Variants in MYL3 observed in about 807,000 individuals in gnomAD.
MYL3 encodes the protein myosin light chain 3.
MYL3 carries 11 observed loss-of-function variants against 21.3 expected under a neutral mutation model. The ratio of observed to expected loss-of-function variants is 0.52; its 90% CI spans 0.32 to 0.85. The LOEUF is 0.85. Ranked by LOEUF, MYL3 falls within the 40% of genes least tolerant of loss-of-function variation. The pLI is 0.03. For missense variants in MYL3, 206 were observed against 253.3 expected (o/e 0.81, Z 1.27); for synonymous variants, 88 against 91.6 (o/e 0.96, Z 0.22).
chr3:46,867,704 C>T (rs966615838), upstream of MYL3, among the ~76,000 whole-genome samples: 1 of 152,260 alleles, frequency 6.6e-6, no homozygotes, highest in Non-Finnish European at 1.5e-5. Context: ...TGGGCTGGGA[C>T]GCAGGCCCAC....
At position 46,857,909 on chromosome 3, in the gene MYL3, T is replaced by C; in HGVS notation, c.*206A>G. The stretch of plus-strand genomic sequence containing the variant: ...AGAAGCCATTTATTCATGAGGCCCA[T>C]GGGGTGGGGACAGAGCTGCTGTCAC... On this transcript the variant is annotated 3_prime_UTR_variant, in exon 7 of 7. Coordinates refer to ENST00000292327, the MANE Select transcript of MYL3 (RefSeq NM_000258.3). This position sits in a 1 kb window ranked among gnomAD's most constrained non-coding sequence, Gnocchi z 5.0. 2.3e-6 allele frequency: 1 copy of C among 440,718 alleles called. No homozygotes were observed. Among genetic ancestry groups the C allele is most frequent in the Non-Finnish European group, 4.1e-6 (1 of 241,176 alleles). 27.3% of individuals were successfully genotyped at this position (440,718 alleles called of 1,614,324 possible).
Position 46,879,601 on chromosome 3 carries a change from C to G in MYL3, c.-218+2473G>C, listed in dbSNP as rs1395444354. ...CTACAAAAAAAAAATTTTTTAATTA[C>G]CCAGGTGTGGTAGCTCATGCCTGTG... is the stretch of plus-strand genomic sequence containing the variant. On this transcript the variant is annotated intron_variant, in intron 1 of 3. Transcript: ENST00000431168. This position sits in a 1 kb window ranked among gnomAD's most constrained non-coding sequence, Gnocchi z 4.7. 6.6e-6 allele frequency among the ~76,000 whole-genome samples: 1 copy of G among 152,002 alleles called. No individual in the cohort carries two copies. The highest frequency in any genetic ancestry group is 1.5e-5 in the Non-Finnish European group (1 of 68,014).
rs372928606 is a variant in MYL3 at position 46,878,061 on chromosome 3, G to T, written c.-218+4013C>A. On this transcript the variant is annotated intron_variant, in intron 1 of 3. Transcript: ENST00000431168. ...GAAAGCCCATACCTCTAGCTCCTTGGGAGCCTTAGGAGTGCTCCCTGGTTG... is the reference window on the plus strand; with the variant it reads ...GAAAGCCCATACCTCTAGCTCCTTGTGAGCCTTAGGAGTGCTCCCTGGTTG... 2.0e-5 allele frequency among the ~76,000 whole-genome samples: 3 copies of T among 152,332 alleles called. No homozygotes were observed. In the East Asian group the frequency reaches 5.8e-4, roughly 29 times the overall value.
In MYL3 at chr3:46,861,225, G is replaced by A. The variant is rs892221351; in HGVS notation, c.130-238C>T. On this transcript the variant is annotated intron_variant, in intron 1 of 6. Coordinates refer to ENST00000292327, the MANE Select transcript of MYL3 (RefSeq NM_000258.3). The surrounding 1 kb of genome is among the most constrained non-coding windows in gnomAD (Gnocchi z 4.2). ...TGTGTGCACCGAGGCCCTGATGCTC[G>A]GTGGACCCTGGCAGGGGTAGCAGTG... 4.6e-5 allele frequency among the ~76,000 whole-genome samples: 7 copies of A among 152,126 alleles called. No homozygotes were observed. The highest frequency in any genetic ancestry group is 2.0e-4 in the Admixed American group (3 of 15,278).
At chr3:46,875,994 T>C (rs2030191171) in intron 1 of MYL3, among the ~76,000 whole-genome samples, 1 of 152,188 alleles carries the variant, frequency 6.6e-6, no homozygotes, top group African/African-American at 2.4e-5. Flanking sequence ...CCCAGAGCCC[T>C]GGGCTGGGGC....
At chr3:46,872,632 C>A (rs1285406138) in intron 1 of MYL3, among the ~76,000 whole-genome samples, 1 of 152,254 alleles carries the variant, frequency 6.6e-6, no homozygotes, top group African/African-American at 2.4e-5. Context: ...ACATGCCAGT[C>A]TCCCCACTCC....
intron 1 of MYL3, among the ~76,000 whole-genome samples, chr3:46,878,934 A>T (rs966945701): frequency 3.3e-5 from 5 of 152,130 alleles, no homozygotes; most frequent in African/African-American, 1.2e-4. Context: ...TTCAAACCCC[A>T]TTGAAACTAA....
intron 1 of MYL3, 78 bp downstream of exon 1, chr3:46,863,184 C>T (rs926996119): frequency 5.0e-6 from 8 of 1,602,062 alleles, no homozygotes; most frequent in Middle Eastern, 2.1e-4. Context: ...CAGAGCCTGA[C>T]CTGCCTCTTG....
chr3:46,880,727 G>A (rs2030498386), intron 1 of MYL3, among the ~76,000 whole-genome samples: 1 of 150,926 alleles, frequency 6.6e-6, no homozygotes, highest in Non-Finnish European at 1.5e-5. Flanking sequence ...ACTTTGTCTT[G>A]AAGAAGAAGA....
At chr3:46,864,876 G>A (rs1210947154), upstream of MYL3, among the ~76,000 whole-genome samples, 2 of 152,250 alleles carry the variant, frequency 1.3e-5, no homozygotes, top group African/African-American at 2.4e-5. The surrounding 1 kb of genome is among the most constrained non-coding windows in gnomAD (Gnocchi z 4.7). Flanking sequence ...GGTGGCACAA[G>A]GCTCTTCCCG....
In MYL3 at chr3:46,860,414, C is replaced by T; in HGVS notation, c.307+262G>A. Among the ~76,000 whole-genome samples, 1 of 152,214 alleles carries T rather than the reference C, an allele frequency of 6.6e-6. No individual in the cohort carries two copies. Among genetic ancestry groups the T allele is most frequent in the East Asian group, 1.9e-4 (1 of 5,192 alleles). On this transcript the variant is annotated intron_variant, in intron 3 of 6. Coordinates refer to ENST00000292327, the MANE Select transcript of MYL3 (RefSeq NM_000258.3). This position sits in a 1 kb window ranked among gnomAD's most constrained non-coding sequence, Gnocchi z 4.6. ...AGCATCCCACTGCCCACTGCTGTCA[C>T]TGCCCGACCTTCTCACTTCTCCATA...
At chr3:46,880,295 G>A (rs897775638) in intron 1 of MYL3, 1 of 152,320 alleles carries the variant, frequency 6.6e-6, no homozygotes, top group South Asian at 2.1e-4. Context: ...AAAGGCAGGA[G>A]AGTGGATGTG....
chr3:46,867,094 G>A (rs1702053397), upstream of MYL3, among the ~76,000 whole-genome samples: 2 of 151,794 alleles, frequency 1.3e-5, no homozygotes, highest in African/African-American at 4.9e-5. Context: ...CAGATTCCAG[G>A]ACTAGACCCC....
At chr3:46,881,764 G>C (rs1272701788) in intron 1 of MYL3, among the ~76,000 whole-genome samples, 4 of 151,956 alleles carry the variant, frequency 2.6e-5, no homozygotes, top group Non-Finnish European at 4.4e-5. Flanking sequence ...AGCCGGGCTC[G>C]GGGCTGGCAG....
upstream of MYL3, among the ~76,000 whole-genome samples, chr3:46,867,606 C>T (rs1218380573): frequency 2.0e-5 from 3 of 152,240 alleles, no homozygotes; most frequent in Non-Finnish European, 4.4e-5. Flanking sequence ...GGGCTCCCCA[C>T]GTGCCCTTGT....
At chr3:46,863,690 C>G (rs1702016496), upstream of MYL3, among the ~76,000 whole-genome samples, 1 of 152,230 alleles carries the variant, frequency 6.6e-6, no homozygotes, top group East Asian at 1.9e-4. Flanking sequence ...GCTTAACACA[C>G]ACATACACAC....
intron 1 of MYL3, among the ~76,000 whole-genome samples, chr3:46,872,091 C>T (rs1427049354): frequency 6.6e-6 from 1 of 152,198 alleles, no homozygotes; most frequent in Non-Finnish European, 1.5e-5. Flanking sequence ...TCAGCAGGTG[C>T]ACGGTCCTCC....
rs2106910419 is a variant in MYL3, at chr3:46,860,950, C to T, written c.157+10G>A. 3.7e-6 allele frequency: 6 copies of T among 1,614,126 alleles called. No homozygotes were observed. Among genetic ancestry groups the T allele is most frequent in the Non-Finnish European group, 5.1e-6 (6 of 1,180,024 alleles). On this transcript the variant is annotated intron_variant, in intron 2 of 6. Transcript: ENST00000292327. This position sits in a 1 kb window ranked among gnomAD's most constrained non-coding sequence, Gnocchi z 4.6. ...ATCCTGCAACCCCTGGGTTCAAGACCCCTGCTCACCTTCAATCTGCTCAGG... is the reference window on the plus strand; with the variant it reads ...ATCCTGCAACCCCTGGGTTCAAGACTCCTGCTCACCTTCAATCTGCTCAGG...
upstream of MYL3, chr3:46,863,503 AC>A: frequency 8.6e-7 from 1 of 1,160,112 alleles, no homozygotes; most frequent in Non-Finnish European, 1.2e-6. Context: ...CCCCAGCCCC[AC>A]CCCTGCAGTG....
Sources: allele counts gnomAD v4.1 joint callset (sites outside exome capture counted in the v4.1 genomes callset), GRCh38; gene constraint gnomAD v4.1.1; non-coding constraint Gnocchi (gnomAD v3.1); transcripts MANE v1.5; gene names NCBI Gene and HGNC (gene_info 2026-07-23, HGNC 2026-07-21).